The following BDKRB2 variants were observed in gnomAD, a reference collection of about 807,000 sequenced individuals.
BDKRB2 encodes bradykinin receptor B2.
In BDKRB2, 6 loss-of-function variants were observed where a neutral mutation model predicts 4.0. The observed-to-expected ratio is 1.49, with a 90% confidence interval of 0.81 to 2.93. BDKRB2 has a LOEUF of 2.93. Ranked by LOEUF, BDKRB2 falls within the 30% of genes most tolerant of loss-of-function variation. BDKRB2 has a pLI of 0.00. For missense variants in BDKRB2, 478 were observed against 520.1 expected (o/e 0.92, Z 0.79); for synonymous variants, 225 against 215.3 (o/e 1.05, Z -0.40).
At chr14:96,225,952 A>G (rs1431996815) in intron 1 of BDKRB2, among the ~76,000 whole-genome samples, 1 of 151,936 alleles carries the variant, frequency 6.6e-6, no homozygotes, top group African/African-American at 2.4e-5. Context: ...GACACCGGAG[A>G]CCACCAGGGG....
chr14:96,226,939 C>T lies in BDKRB2; in HGVS notation c.-39-10130C>T, dbSNP rs867314285. On this transcript the variant is annotated intron_variant, in intron 1 of 2. Transcript: ENST00000554311. ...CCTATGCTCAAGTCAGAAAGCCCCTCGGGCAGTGTCCGAGAGGGCTACAGC... is the reference window on the plus strand; with the variant it reads ...CCTATGCTCAAGTCAGAAAGCCCCTTGGGCAGTGTCCGAGAGGGCTACAGC... Among the ~76,000 whole-genome samples, 7 of 152,220 alleles carry T rather than the reference C, an allele frequency of 4.6e-5. No homozygotes were observed. In the South Asian group the frequency reaches 6.2e-4, roughly 14 times the overall value.
chr14:96,227,239 T>C (rs1292007209), intron 1 of BDKRB2, among the ~76,000 whole-genome samples: 1 of 152,246 alleles, frequency 6.6e-6, no homozygotes, highest in African/African-American at 2.4e-5. Flanking sequence ...AACACTGGCA[T>C]TTCTGGAGTG....
chr14:96,221,479 C>G (rs117207253), intron 1 of BDKRB2, among the ~76,000 whole-genome samples: 3,917 of 152,150 alleles, frequency 0.026, 70 homozygotes, highest in Non-Finnish European at 0.041. Flanking sequence ...GTAGGGTATG[C>G]GAGGACTCAG....
intron 1 of BDKRB2, among the ~76,000 whole-genome samples, chr14:96,211,948 C>T (rs889011417): frequency 2.0e-5 from 3 of 152,116 alleles, no homozygotes; most frequent in Non-Finnish European, 2.9e-5. Context: ...AGGACACAGC[C>T]GGCGGTGCAT....
intron 1 of BDKRB2, among the ~76,000 whole-genome samples, chr14:96,208,202 C>T (rs949270213): frequency 6.6e-6 from 1 of 152,222 alleles, no homozygotes; most frequent in African/African-American, 2.4e-5. Flanking sequence ...CTCTGAGCTC[C>T]TCTGGTTTTC....
At chr14:96,211,573 G>A (rs1456303620) in intron 1 of BDKRB2, among the ~76,000 whole-genome samples, 1 of 152,232 alleles carries the variant, frequency 6.6e-6, no homozygotes, top group African/African-American at 2.4e-5. Flanking sequence ...GCCAAAAGTA[G>A]TGAAAACCTG....
chr14:96,232,870 C>T (rs570197308), intron 1 of BDKRB2, among the ~76,000 whole-genome samples: 2 of 152,220 alleles, frequency 1.3e-5, no homozygotes, highest in East Asian at 1.9e-4. Flanking sequence ...AGTTGACATC[C>T]GAAGGAAAAA....
At chr14:96,228,370 CT>C (rs531451190) in intron 1 of BDKRB2, among the ~76,000 whole-genome samples, 74 of 152,300 alleles carry the variant, frequency 4.9e-4, no homozygotes, top group African/African-American at 1.6e-3. Context: ...TACCTGGGTC[CT>C]TGTCTGGCAT....
At chr14:96,206,468 C>T (rs1455146014) in intron 1 of BDKRB2, among the ~76,000 whole-genome samples, 3 of 152,112 alleles carry the variant, frequency 2.0e-5, no homozygotes, top group African/African-American at 7.2e-5. Context: ...GGGGAGGTTC[C>T]CATGGTTGGG....
chr14:96,231,643 G>A (rs919850974), intron 1 of BDKRB2, among the ~76,000 whole-genome samples: 1 of 152,210 alleles, frequency 6.6e-6, no homozygotes, highest in East Asian at 1.9e-4. Flanking sequence ...AGGAGATCTT[G>A]GTTCTTTCTA....
intron 1 of BDKRB2, among the ~76,000 whole-genome samples, chr14:96,219,467 T>C (rs4900317): frequency 0.3 from 44,719 of 151,426 alleles, 6,796 homozygotes; most frequent in South Asian, 0.44. Context: ...CCTATGCCCT[T>C]GGGGACTTCT....
At chr14:96,235,243 G>A (rs960259124) in intron 1 of BDKRB2, among the ~76,000 whole-genome samples, 4 of 150,106 alleles carry the variant, frequency 2.7e-5, no homozygotes, top group African/African-American at 9.8e-5. Flanking sequence ...AGCTACTCAG[G>A]AGGCTGAGAC....
At chr14:96,215,382 G>T (rs1375311727) in intron 1 of BDKRB2, among the ~76,000 whole-genome samples, 4 of 151,368 alleles carry the variant, frequency 2.6e-5, no homozygotes, top group Non-Finnish European at 5.9e-5. Context: ...CATTTAGGTT[G>T]TTTCCTGTGA....
In BDKRB2 at chr14:96,237,138, C is replaced by A. The variant is rs924868565; in HGVS notation, c.31C>A (p.Leu11Met). Residue 11 changes from leucine to methionine, a missense_variant, in exon 2 of 3, where the codon CTG (leucine) becomes ATG (methionine). By Grantham distance (15) the Leu-to-Met change is conservative. Coordinates refer to ENST00000554311, the MANE Select transcript of BDKRB2 (RefSeq NM_001379692.1). ...CTCTCCCTGGAAGATATCAATGTTT[C>A]TGTCTGTTCGTGAGGACTCCGTGCC... is the stretch of plus-strand genomic sequence containing the variant. The part of the protein sequence containing the change: MFSPWKISMF[L>M]SVREDSVPTT... 6.2e-7 allele frequency: 1 copy of A among 1,614,170 alleles called. No homozygotes were observed. The highest frequency in any genetic ancestry group is 1.1e-5 in the South Asian group (1 of 91,086).
At chr14:96,216,310 C>A (rs1890415148) in intron 1 of BDKRB2, among the ~76,000 whole-genome samples, 1 of 152,042 alleles carries the variant, frequency 6.6e-6, no homozygotes, top group Non-Finnish European at 1.5e-5. Flanking sequence ...TAACAGGGAA[C>A]AGAACTCTTC....
At position 96,238,572 on chromosome 14, in the gene BDKRB2, C is replaced by T. The variant is rs142522488; in HGVS notation, c.74+1391C>T. 8.6e-5 allele frequency: 85 copies of T among 985,824 alleles called. 1 individual carries two copies. In the African/African-American group the frequency reaches 1.2e-3, roughly 14 times the overall value. The allele number at this position is 985,824 out of a possible 1,614,324, so 61.1% of individuals were successfully genotyped here. A position where few individuals can be genotyped will look rare whatever the true frequency, so the allele number is the denominator to read the frequency against. The stretch of plus-strand genomic sequence containing the variant: ...CTTCCTTAGCACCCAGTGAAGACCA[C>T]GCTTACTCCCTCACTCAACCTCTTG... On this transcript the variant is annotated intron_variant, in intron 2 of 2. Transcript: ENST00000554311.
intron 1 of BDKRB2, among the ~76,000 whole-genome samples, chr14:96,236,213 G>T (rs190953856): frequency 1.6e-3 from 242 of 152,280 alleles, no homozygotes; most frequent in Non-Finnish European, 8.8e-4. Context: ...GAAATACTCA[G>T]ATGTGTCTGT....
chr14:96,213,936 A>G (rs1890360087), intron 1 of BDKRB2, among the ~76,000 whole-genome samples: 1 of 152,168 alleles, frequency 6.6e-6, no homozygotes, highest in Admixed American at 6.5e-5. Context: ...ACATAAGCAA[A>G]GGTCGAGAGG....
chr14:96,238,279 C>G, intron 2 of BDKRB2: 1 of 430,594 alleles, frequency 2.3e-6, no homozygotes, highest in Non-Finnish European at 3.1e-6. Context: ...CGGCTCACAT[C>G]CTTCCAAGTA....
Sources: allele counts gnomAD v4.1 joint callset (sites outside exome capture counted in the v4.1 genomes callset), GRCh38; gene constraint gnomAD v4.1.1; transcripts MANE v1.5; gene names NCBI Gene and HGNC (gene_info 2026-07-23, HGNC 2026-07-21).